Variants in ARHGEF10 observed in about 807,000 individuals in gnomAD.
ARHGEF10 encodes Rho guanine nucleotide exchange factor 10.
In ARHGEF10, 140 loss-of-function variants were observed where a neutral mutation model predicts 147.4. The ratio of observed to expected loss-of-function variants is 0.95; its 90% confidence interval spans 0.83 to 1.09. The LOEUF is 1.09. Among genes scored for constraint, ARHGEF10 ranks in the 50% least tolerant of loss-of-function variants. ARHGEF10 has a pLI of 0.00. For synonymous variants in ARHGEF10, 902 were observed against 695.8 expected (o/e 1.30, Z -4.67); for missense variants, 2,222 against 1,752.7 (o/e 1.27, Z -4.78).
chr8:1,899,797 C>T (rs1328309457), intron 15 of ARHGEF10, among the ~76,000 whole-genome samples: 2 of 152,232 alleles, frequency 1.3e-5, no homozygotes, highest in African/African-American at 2.4e-5. Flanking sequence ...TGTTGGCTTC[C>T]GGCAAGCAGC....
At chr8:1,914,377 G>A (rs1276847498) in intron 18 of ARHGEF10, among the ~76,000 whole-genome samples, 3 of 152,366 alleles carry the variant, frequency 2.0e-5, no homozygotes, top group Admixed American at 1.3e-4. Flanking sequence ...AGTGACCGAT[G>A]TGGGACCCCA....
intron 2 of ARHGEF10, among the ~76,000 whole-genome samples, chr8:1,851,424 A>T (rs116656871): frequency 7.5e-4 from 114 of 151,256 alleles, no homozygotes; most frequent in African/African-American, 2.6e-3. Flanking sequence ...CCTAACACAC[A>T]CCGTGGGCTT....
intron 1 of ARHGEF10, among the ~76,000 whole-genome samples, chr8:1,827,613 G>T (rs1189126430): frequency 6.6e-6 from 1 of 152,186 alleles, no homozygotes; most frequent in Non-Finnish European, 1.5e-5. Context: ...CCGTCAAAAT[G>T]ATCATTTTAA....
Position 1,933,888 on chromosome 8 carries a change from G to A in ARHGEF10, c.3168G>A (p.Trp1056Ter). The part of the protein sequence containing the change: ...RSLLMMEDTL[W>*]AASGGQVFII... ...TACTCATGATGGAAGACACGTTGTG[G>A]GCGGCTTCCGGAGGTCAAGTCTTCA... Residue 1056 changes from tryptophan (W) to a stop codon, truncating the protein, a stop_gained, in exon 26 of 29, where the codon TGG becomes TGA. Transcript: ENST00000349830. LOFTEE classifies it high-confidence loss of function. 1 of 1,614,174 alleles carries A rather than the reference G, an allele frequency of 6.2e-7. No homozygotes were observed.
chr8:1,874,657 C>G (rs972730602), intron 7 of ARHGEF10, among the ~76,000 whole-genome samples: 1 of 151,764 alleles, frequency 6.6e-6, no homozygotes, highest in Non-Finnish European at 1.5e-5. Context: ...CAGACACACA[C>G]CAGGGTGTGT....
chr8:1,916,225 G>A (rs944322737), intron 18 of ARHGEF10, among the ~76,000 whole-genome samples: 2 of 152,188 alleles, frequency 1.3e-5, no homozygotes, highest in African/African-American at 4.8e-5. Flanking sequence ...GGCCAGCCAC[G>A]GAAAGGTGCG....
chr8:1,898,217 C>G (rs557299695), intron 14 of ARHGEF10, among the ~76,000 whole-genome samples: 1 of 152,214 alleles, frequency 6.6e-6, no homozygotes, highest in African/African-American at 2.4e-5. Flanking sequence ...CTGAGGCCAA[C>G]GTGTGAGGTC....
At chr8:1,870,775 A>AT (rs1167423639) in intron 7 of ARHGEF10, 11 of 152,200 alleles carry the variant, frequency 7.2e-5, no homozygotes, top group Admixed American at 1.3e-4. Flanking sequence ...GGGGTGAGAG[A>AT]TTTTAAGAAA....
Position 1,869,215 on chromosome 8 carries a change from A to G in ARHGEF10, c.644A>G (p.Asp215Gly), listed in dbSNP as rs1400614857. The change falls in exon 7 of 29, where the codon GAT becomes GGT. Residue 215 changes from aspartate to glycine, a missense_variant. Physicochemically the swap from Asp to Gly is moderately conservative, Grantham distance 94. Transcript: ENST00000349830. ...GCAGATCCAGAGGAAGCAATTTACGATGACGTTCCAAGGGAAAACTCAGAC... is the reference window on the plus strand; with the variant it reads ...GCAGATCCAGAGGAAGCAATTTACGGTGACGTTCCAAGGGAAAACTCAGAC... ...WMENPEEAIY[D>G]DVPRENSDSE... The G allele has an allele frequency of 1.2e-6, 2 of 1,613,986 alleles. No homozygotes were observed. The highest frequency in any genetic ancestry group is 3.3e-5 in the Admixed American group (2 of 60,010).
intron 1 of ARHGEF10, among the ~76,000 whole-genome samples, chr8:1,826,567 G>A (rs2129029415): frequency 6.6e-6 from 1 of 152,270 alleles, no homozygotes; most frequent in East Asian, 1.9e-4. Context: ...GGGACTTGAG[G>A]GTGCTCACTT....
At chr8:1,849,927 G>T (rs1804922561) in intron 2 of ARHGEF10, among the ~76,000 whole-genome samples, 2 of 143,490 alleles carry the variant, frequency 1.4e-5, no homozygotes, top group Admixed American at 6.8e-5. Flanking sequence ...AGGAGGGCGT[G>T]GGCCGGCTGC....
At chr8:1,923,989 C>T (rs1812493965) in intron 21 of ARHGEF10, 115 bp downstream of exon 21, 1 of 986,112 alleles carries the variant, frequency 1.0e-6, no homozygotes, top group African/African-American at 1.6e-5. Context: ...ATGCATTGAC[C>T]TGAAAGAGTG....
chr8:1,901,916 C>T (rs886981801), intron 15 of ARHGEF10, among the ~76,000 whole-genome samples: 3 of 152,164 alleles, frequency 2.0e-5, no homozygotes, highest in East Asian at 3.8e-4. Context: ...AAGATAAGCA[C>T]GCTGTTGAAT....
At chr8:1,925,468 T>C (rs1176361648) in intron 22 of ARHGEF10, 64 bp downstream of exon 22, 1 of 1,603,078 alleles carries the variant, frequency 6.2e-7, no homozygotes, top group Non-Finnish European at 8.5e-7. Flanking sequence ...ATGGGCCACT[T>C]GGGAGATGAT....
chr8:1,837,642 G>A (rs903591848), intron 1 of ARHGEF10, among the ~76,000 whole-genome samples: 3 of 152,204 alleles, frequency 2.0e-5, no homozygotes, highest in African/African-American at 7.2e-5. Flanking sequence ...AGACGCGGCA[G>A]GCGTACAGCT....
At chr8:1,901,817 A>G (rs1039385513) in intron 15 of ARHGEF10, among the ~76,000 whole-genome samples, 1 of 152,214 alleles carries the variant, frequency 6.6e-6, no homozygotes, top group African/African-American at 2.4e-5. Flanking sequence ...TAGGAAAACA[A>G]ATGTATAGAA....
Position 1,841,992 on chromosome 8 carries a change from G to GCCGCGGCGGGAACTGGGT in ARHGEF10, c.-47-1344_-47-1343insTCCGCGGCGGGAACTGGG, listed in dbSNP as rs1804114647. Reference sequence around the variant, plus strand: ...AACTGGGGCCGCGGCGGGAACTGGGGCCGCGGCGGGAACTGGGGCCGCGGC... The same window carrying GCCGCGGCGGGAACTGGGT: ...AACTGGGGCCGCGGCGGGAACTGGGGCCGCGGCGGGAACTGGGTCCGCGGCGGGAACTGGGGCCGCGGC... On this transcript the variant is annotated intron_variant, in intron 1 of 28. Coordinates refer to ENST00000349830, the MANE Select transcript of ARHGEF10 (RefSeq NM_014629.4). 1.2e-4 allele frequency among the ~76,000 whole-genome samples: 5 copies of GCCGCGGCGGGAACTGGGT among 42,054 alleles called. 1 individual carries two copies. The highest frequency in any genetic ancestry group is 1.6e-3 in the East Asian group (2 of 1,280). 27.6% of individuals were successfully genotyped at this position (42,054 alleles called of 152,430 possible).
intron 10 of ARHGEF10, among the ~76,000 whole-genome samples, chr8:1,883,102 T>G (rs1376113244): frequency 6.6e-6 from 1 of 152,212 alleles, no homozygotes. Flanking sequence ...CCGCAGGGAC[T>G]GAGGTCGTGA....
intron 13 of ARHGEF10, among the ~76,000 whole-genome samples, chr8:1,896,019 C>G (rs1238916830): frequency 6.6e-6 from 1 of 152,094 alleles, no homozygotes; most frequent in East Asian, 1.9e-4. Flanking sequence ...TGAGACTTGG[C>G]AGGAACTTAA....
Sources: allele counts gnomAD v4.1 joint callset (sites outside exome capture counted in the v4.1 genomes callset), GRCh38; gene constraint gnomAD v4.1.1; transcripts MANE v1.5; gene names NCBI Gene and HGNC (gene_info 2026-07-23, HGNC 2026-07-21).